The following AGBL1 variants were observed in gnomAD, a reference collection of about 807,000 sequenced individuals.
AGBL1 encodes the protein AGBL carboxypeptidase 1.
In AGBL1, 130 loss-of-function variants were observed where a neutral mutation model predicts 118.9. The observed-to-expected ratio is 1.09, with a 90% confidence interval of 0.95 to 1.26. AGBL1 has a LOEUF of 1.26. Ranked by LOEUF, AGBL1 falls within the 50% of genes most tolerant of loss-of-function variation. The pLI is 0.00. For missense variants in AGBL1, 1,584 were observed against 1,298.1 expected (o/e 1.22, Z -3.38); for synonymous variants, 555 against 478.9 (o/e 1.16, Z -2.08).
rs150247770 is a variant in AGBL1 at position 86,881,760 on chromosome 15, C to A, written c.3159-25327C>A. On this transcript the variant is annotated intron_variant, in intron 22 of 22. Coordinates refer to ENST00000614907, the MANE Select transcript of AGBL1 (RefSeq NM_001386094.1). Reference sequence around the variant, plus strand: ...AAGCAATTCTCCTGCCTCAGCCTCCCAAGTAGCTGGGATTACAGCTGTGTG... The same window carrying A: ...AAGCAATTCTCCTGCCTCAGCCTCCAAAGTAGCTGGGATTACAGCTGTGTG... Among the ~76,000 whole-genome samples, 560 of 152,234 alleles carry A rather than the reference C, an allele frequency of 3.7e-3. 3 individuals carry two copies. Among genetic ancestry groups the A allele is most frequent in the Non-Finnish European group, 6.0e-3 (411 of 68,020 alleles).
At chr15:86,239,733 G>A (rs947744237) in intron 6 of AGBL1, among the ~76,000 whole-genome samples, 1 of 152,166 alleles carries the variant, frequency 6.6e-6, no homozygotes, top group African/African-American at 2.4e-5. Context: ...TTGGAGGAGG[G>A]GGATTGGCTA....
At chr15:86,368,201 A>G (rs1489902920) in intron 17 of AGBL1, among the ~76,000 whole-genome samples, 3 of 152,070 alleles carry the variant, frequency 2.0e-5, no homozygotes, top group African/African-American at 4.8e-5. Context: ...AGAGCTCCCT[A>G]ATATTTCTGG....
At chr15:86,830,417 C>T (rs1431173590) in intron 22 of AGBL1, among the ~76,000 whole-genome samples, 1 of 151,962 alleles carries the variant, frequency 6.6e-6, no homozygotes, top group Non-Finnish European at 1.5e-5. Context: ...GTCTTTAATC[C>T]TTCCAGAAAG....
rs67457435 is a variant in AGBL1, at chr15:86,700,468, T to TACACACACAC, written c.3158+26066_3158+26075dup. 1.4e-3 allele frequency among the ~76,000 whole-genome samples: 162 copies of TACACACACAC among 114,732 alleles called. 1 individual carries two copies. The highest frequency in any genetic ancestry group is 1.8e-3 in the African/African-American group (49 of 27,654). 75.3% of individuals were successfully genotyped at this position (114,732 alleles called of 152,430 possible). A position where few individuals can be genotyped will look rare whatever the true frequency, so the allele number is the denominator to read the frequency against. On this transcript the variant is annotated intron_variant, in intron 22 of 22. Transcript: ENST00000614907. ...CATGTTTACTTTTTCAGCAGACTAA[T>TACACACACAC]ACACACACACACACACACACACACA...
chr15:86,161,513 C>A (rs984262279), intron 5 of AGBL1, among the ~76,000 whole-genome samples: 9 of 152,214 alleles, frequency 5.9e-5, no homozygotes, highest in African/African-American at 1.9e-4. Context: ...CTTAAGCCAC[C>A]ACTGGCGTAT....
intron 21 of AGBL1, among the ~76,000 whole-genome samples, chr15:86,658,957 G>A (rs1308324773): frequency 1.3e-5 from 2 of 152,210 alleles, no homozygotes; most frequent in South Asian, 2.1e-4. Flanking sequence ...TTATAGTAAC[G>A]GTCCCTTCAT....
chr15:86,779,573 G>T (rs141601904), intron 22 of AGBL1, among the ~76,000 whole-genome samples: 296 of 152,242 alleles, frequency 1.9e-3, no homozygotes, highest in African/African-American at 6.8e-3. Context: ...ATAAATTTAA[G>T]TGTGGGCTTA....
intron 18 of AGBL1, among the ~76,000 whole-genome samples, chr15:86,510,349 A>C (rs199540944): frequency 0.44 from 66,904 of 151,386 alleles, 15,661 homozygotes; most frequent in East Asian, 0.68. Flanking sequence ...GAATTCCTTC[A>C]TGGCCTGCAA....
intron 22 of AGBL1, among the ~76,000 whole-genome samples, chr15:86,810,896 G>T (rs894758532): frequency 2.0e-5 from 3 of 152,292 alleles, no homozygotes; most frequent in South Asian, 4.1e-4. Flanking sequence ...CTAAGCTCTG[G>T]AGGGGAAATT....
chr15:86,235,434 T>G (rs974500359), intron 6 of AGBL1, among the ~76,000 whole-genome samples: 1 of 152,222 alleles, frequency 6.6e-6, no homozygotes, highest in African/African-American at 2.4e-5. Context: ...GTTCTAAATG[T>G]CTTAAATTTT....
At chr15:86,182,255 T>C (rs545362839) in intron 5 of AGBL1, among the ~76,000 whole-genome samples, 1 of 152,182 alleles carries the variant, frequency 6.6e-6, no homozygotes, top group Non-Finnish European at 1.5e-5. Context: ...TGTTTCCTTT[T>C]TTTCTCTCTG....
rs528961540 is a variant in AGBL1, at chr15:86,820,880, C to G, written c.3159-86207C>G. ...ATTCTACTTTAAAGACACATGCACA[C>G]GTATATTTATTGCAGCACTATTCAC... On this transcript the variant is annotated intron_variant, in intron 22 of 22. Transcript: ENST00000614907. 2.0e-5 allele frequency among the ~76,000 whole-genome samples: 3 copies of G among 152,148 alleles called. No homozygotes were observed. In the South Asian group the frequency reaches 6.2e-4, roughly 32 times the overall value.
intron 23 of AGBL1, among the ~76,000 whole-genome samples, chr15:86,986,203 C>G (rs185267144): frequency 5.9e-5 from 9 of 152,236 alleles, no homozygotes; most frequent in African/African-American, 2.2e-4. Flanking sequence ...GGATTACAGG[C>G]GTGAGCCACG....
At chr15:86,788,798 T>G (rs2078450766) in intron 22 of AGBL1, among the ~76,000 whole-genome samples, 1 of 152,138 alleles carries the variant, frequency 6.6e-6, no homozygotes, top group African/African-American at 2.4e-5. Context: ...GGTACAAACA[T>G]TTGAGTGAGC....
At position 86,364,958 on chromosome 15, in the gene AGBL1, C is replaced by CACACAT. The variant is rs1474501613; in HGVS notation, c.2375-32407_2375-32406insCACATA. The stretch of plus-strand genomic sequence containing the variant: ...GAGCCGCATTGATTTATATGTCACA[C>CACACAT]ATATATATATATATATATATATATA... On this transcript the variant is annotated intron_variant, in intron 17 of 22. Transcript: ENST00000614907. Among the ~76,000 whole-genome samples the CACACAT allele has an allele frequency of 3.5e-4, 27 of 76,118 alleles. 1 individual carries two copies. In the South Asian group the frequency reaches 4.5e-3, roughly 13 times the overall value. 49.9% of individuals were successfully genotyped at this position (76,118 alleles called of 152,430 possible).
chr15:86,437,507 T>C (rs1042987093), intron 18 of AGBL1, among the ~76,000 whole-genome samples: 4 of 152,172 alleles, frequency 2.6e-5, no homozygotes, highest in African/African-American at 9.7e-5. Flanking sequence ...AGAACTACCT[T>C]ATCCTGAACC....
At chr15:86,339,759 G>T (rs545174397) in intron 17 of AGBL1, among the ~76,000 whole-genome samples, 1 of 152,258 alleles carries the variant, frequency 6.6e-6, no homozygotes, top group African/African-American at 2.4e-5. Context: ...ACAAGGTCAA[G>T]AGATCAAGAC....
intron 21 of AGBL1, among the ~76,000 whole-genome samples, chr15:86,587,727 A>G (rs557949813): frequency 6.6e-6 from 1 of 152,350 alleles, no homozygotes; most frequent in East Asian, 1.9e-4. Context: ...AGTTTTGATT[A>G]AAGTCAGAGT....
chr15:86,535,271 T>C (rs2083409872), intron 19 of AGBL1, among the ~76,000 whole-genome samples: 1 of 152,200 alleles, frequency 6.6e-6, no homozygotes, highest in South Asian at 2.1e-4. Context: ...TACAATCAGC[T>C]AGCAGAAGGC....
Sources: gnomAD v4.1 joint callset for allele counts (sites outside exome capture counted in the v4.1 genomes callset) on GRCh38, gnomAD v4.1.1 for gene constraint, MANE v1.5 for transcripts, NCBI Gene and HGNC (gene_info 2026-07-23, HGNC 2026-07-21) for gene names.